SORCS1: variants seen among roughly 807,000 people sequenced by gnomAD.
The protein encoded by SORCS1 is sortilin related VPS10 domain containing receptor 1, also known as VPS10 domain-containing receptor SorCS1.
SORCS1 carries 60 observed loss-of-function variants against 146.1 expected under a neutral mutation model. The ratio of observed to expected loss-of-function variants is 0.41; its 90% CI spans 0.33 to 0.51. The LOEUF is 0.51. SORCS1 is among the 20% of genes least tolerant of loss of function. The pLI is 0.21. For missense variants in SORCS1, 1,352 were observed against 1,487.6 expected (o/e 0.91, Z 1.50); for synonymous variants, 637 against 584.0 (o/e 1.09, Z -1.31).
At chr10:106,802,746 A>C (rs1946971581) in intron 3 of SORCS1, among the ~76,000 whole-genome samples, 1 of 149,510 alleles carries the variant, frequency 6.7e-6, no homozygotes, top group Admixed American at 6.7e-5. Flanking sequence ...TGATTTGCCC[A>C]CCTCGGCCTC....
intron 23 of SORCS1, 138 bp downstream of exon 23, chr10:106,607,028 C>T (rs1404391786): frequency 6.1e-6 from 7 of 1,145,976 alleles, no homozygotes; most frequent in African/African-American, 3.1e-5. Flanking sequence ...AATACACCTA[C>T]CATGAATGCT....
At chr10:106,938,780 C>T (rs892980272) in intron 2 of SORCS1, among the ~76,000 whole-genome samples, 1 of 152,148 alleles carries the variant, frequency 6.6e-6, no homozygotes, top group Non-Finnish European at 1.5e-5. Context: ...GAACATCAAC[C>T]CCTGACTTCT....
intron 5 of SORCS1, among the ~76,000 whole-genome samples, chr10:106,736,277 A>G (rs1856937512): frequency 6.6e-6 from 1 of 152,206 alleles, no homozygotes; most frequent in African/African-American, 2.4e-5. Flanking sequence ...CCGCAGAGCA[A>G]GTATTACAAA....
chr10:106,710,231 G>A (rs967216819), intron 6 of SORCS1, among the ~76,000 whole-genome samples: 1 of 152,134 alleles, frequency 6.6e-6, no homozygotes, highest in African/African-American at 2.4e-5. Context: ...GGTGGATCAC[G>A]AGGTCTGGAG....
rs115337772 is a variant in SORCS1 at position 106,796,741 on chromosome 10, T to A, written c.727-20049A>T. ...GATCTGAAATTGGTTCCCTGGATCC[T>A]AACCAAATTTAATTTGTCTAATCCA... On this transcript the variant is annotated intron_variant, in intron 3 of 25. Coordinates refer to ENST00000263054, the MANE Select transcript of SORCS1 (RefSeq NM_052918.5). Among the ~76,000 whole-genome samples, 1,493 of 152,314 alleles carry A rather than the reference T, an allele frequency of 9.8e-3. 23 individuals are homozygous for A. Among genetic ancestry groups the A allele is most frequent in the African/African-American group, 0.032 (1,330 of 41,556 alleles).
chr10:107,146,398 C>T (rs1192211184), intron 1 of SORCS1, among the ~76,000 whole-genome samples: 2 of 152,192 alleles, frequency 1.3e-5, no homozygotes, highest in Admixed American at 6.5e-5. Flanking sequence ...TAACTCCTAA[C>T]GAATGAGTTA....
chr10:106,920,611 A>G (rs1480446952), intron 2 of SORCS1, among the ~76,000 whole-genome samples: 1 of 152,048 alleles, frequency 6.6e-6, no homozygotes, highest in African/African-American at 2.4e-5. Context: ...CTCTTTAATG[A>G]GCCTAATGGA....
the SORCS1 span, among the ~76,000 whole-genome samples, chr10:107,171,795 G>C: frequency 6.6e-6 from 1 of 152,128 alleles, no homozygotes; most frequent in Non-Finnish European, 1.5e-5. Context: ...ACCATGCCCA[G>C]CCAGGGAATC....
chr10:107,032,901 T>C (rs1468359983), intron 1 of SORCS1, among the ~76,000 whole-genome samples: 1 of 152,194 alleles, frequency 6.6e-6, no homozygotes, highest in African/African-American at 2.4e-5. Flanking sequence ...GCAAGGATTT[T>C]TGCCACAATC....
chr10:107,174,107 C>G, the SORCS1 span, among the ~76,000 whole-genome samples: 1 of 152,244 alleles, frequency 6.6e-6, no homozygotes, highest in South Asian at 2.1e-4. Flanking sequence ...TGAGACCTCC[C>G]ATCCATTAAT....
At chr10:106,912,672 T>G (rs180703736) in intron 2 of SORCS1, among the ~76,000 whole-genome samples, 1 of 152,228 alleles carries the variant, frequency 6.6e-6, no homozygotes, top group East Asian at 1.9e-4. Flanking sequence ...ATTGCTTTTT[T>G]TGTTTGTTTG....
upstream of SORCS1, among the ~76,000 whole-genome samples, chr10:107,164,920 C>A (rs1422377880): frequency 1.3e-5 from 2 of 148,918 alleles, no homozygotes; most frequent in Non-Finnish European, 3.0e-5. This position sits in a 1 kb window ranked among gnomAD's most constrained non-coding sequence, Gnocchi z 6.8. Flanking sequence ...CTCGGCCTCG[C>A]AGGCGCTGCC....
At chr10:106,794,322 C>A (rs1016567292) in intron 3 of SORCS1, among the ~76,000 whole-genome samples, 1 of 152,030 alleles carries the variant, frequency 6.6e-6, no homozygotes, top group African/African-American at 2.4e-5. Flanking sequence ...GTTGGCATTT[C>A]TTATTGATGT....
chr10:106,611,381 T>C (rs7085668), intron 22 of SORCS1, among the ~76,000 whole-genome samples: 104,053 of 152,046 alleles, frequency 0.68, 38,141 homozygotes, highest in Non-Finnish European at 0.82. Context: ...TTTGGGGCTG[T>C]TACAGTACAG....
chr10:106,962,394 C>CAAAAAAA (rs60616146), intron 1 of SORCS1, among the ~76,000 whole-genome samples: 23 of 62,418 alleles, frequency 3.7e-4, no homozygotes, highest in Admixed American at 7.1e-4. Flanking sequence ...AACTCCATCT[C>CAAAAAAA]AAAAAAAAAA....
At chr10:107,148,171 A>G (rs920878734) in intron 1 of SORCS1, among the ~76,000 whole-genome samples, 1 of 152,164 alleles carries the variant, frequency 6.6e-6, no homozygotes, top group Non-Finnish European at 1.5e-5. Flanking sequence ...GGTCCAAAAA[A>G]CACTCTCAAG....
At chr10:106,723,003 C>G (rs1270319108) in intron 6 of SORCS1, among the ~76,000 whole-genome samples, 1 of 152,108 alleles carries the variant, frequency 6.6e-6, no homozygotes, top group East Asian at 1.9e-4. Flanking sequence ...TATACCTAAA[C>G]AGTGACACAT....
chr10:106,781,030 TA>T (rs1342028959), intron 3 of SORCS1, among the ~76,000 whole-genome samples: 1 of 152,064 alleles, frequency 6.6e-6, no homozygotes, highest in African/African-American at 2.4e-5. Flanking sequence ...CATCAAAAAT[TA>T]AATGCACTTT....
intron 17 of SORCS1, among the ~76,000 whole-genome samples, chr10:106,665,031 T>C (rs1851026078): frequency 6.6e-6 from 1 of 152,204 alleles, no homozygotes; most frequent in South Asian, 2.1e-4. Flanking sequence ...GTTATTTATA[T>C]TTCCTTGGAT....
Sources: allele counts gnomAD v4.1 joint callset (sites outside exome capture counted in the v4.1 genomes callset), GRCh38; gene constraint gnomAD v4.1.1; non-coding constraint Gnocchi (gnomAD v3.1); transcripts MANE v1.5; gene names NCBI Gene and HGNC (gene_info 2026-07-23, HGNC 2026-07-21).